PID1: variants seen among roughly 807,000 people sequenced by gnomAD.
The protein encoded by PID1 is phosphotyrosine interaction domain containing 1, also known as PTB-containing, cubilin and LRP1-interacting protein.
PID1 carries 10 observed loss-of-function variants against 19.1 expected under a neutral mutation model. That is an observed-to-expected ratio of 0.52 (90% CI 0.32 to 0.89). PID1 has a LOEUF of 0.89. PID1 is among the 40% of genes least tolerant of loss of function. The pLI is 0.03. For synonymous variants in PID1, 130 were observed against 116.0 expected, an observed-to-expected ratio of 1.12 and a Z score of -0.78; for missense variants, 248 against 285.3, an observed-to-expected ratio of 0.87 and a Z score of 0.94.
At chr2:229,088,760 C>T (rs1694816218) in intron 2 of PID1, among the ~76,000 whole-genome samples, 1 of 152,042 alleles carries the variant, frequency 6.6e-6, no homozygotes, top group African/African-American at 2.4e-5. Context: ...GGCAAAAATA[C>T]ACTGGAAGCC....
chr2:229,054,305 A>G (rs904380002), intron 2 of PID1, among the ~76,000 whole-genome samples: 1 of 152,304 alleles, frequency 6.6e-6, no homozygotes, highest in African/African-American at 2.4e-5. Flanking sequence ...GAATTGTGCA[A>G]ATGTAGAGTG....
chr2:229,039,289 T>C (rs1475255982), intron 2 of PID1, among the ~76,000 whole-genome samples: 1 of 152,188 alleles, frequency 6.6e-6, no homozygotes, highest in Non-Finnish European at 1.5e-5. Context: ...GACTGAACCA[T>C]AAACTTATAT....
intron 2 of PID1, among the ~76,000 whole-genome samples, chr2:229,111,538 A>C (rs2106148779): frequency 6.6e-6 from 1 of 152,316 alleles, no homozygotes; most frequent in East Asian, 1.9e-4. Context: ...TGATGGGGGA[A>C]AGATATGGGA....
intron 2 of PID1, among the ~76,000 whole-genome samples, chr2:229,101,469 C>CTA (rs1695072465): frequency 1.3e-5 from 2 of 152,196 alleles, no homozygotes; most frequent in Non-Finnish European, 2.9e-5. Context: ...AGCACACTGC[C>CTA]ATGCCTTGAG....
At chr2:229,033,276 GT>G (rs1235179939) in intron 2 of PID1, among the ~76,000 whole-genome samples, 2 of 152,184 alleles carry the variant, frequency 1.3e-5, no homozygotes, top group Non-Finnish European at 2.9e-5. Flanking sequence ...CTTTCCTGGA[GT>G]TCTTCGACTT....
chr2:229,260,658 T>C (rs1191743956), intron 1 of PID1, among the ~76,000 whole-genome samples: 1 of 151,834 alleles, frequency 6.6e-6, no homozygotes. Flanking sequence ...CCTTCATGGG[T>C]AGAATTGGGA....
intron 2 of PID1, among the ~76,000 whole-genome samples, chr2:229,138,389 A>C (rs546944026): frequency 9.2e-4 from 140 of 152,090 alleles, no homozygotes; most frequent in Non-Finnish European, 1.8e-3. Context: ...CCTGCTCTTC[A>C]ATATAGGTAC....
At chr2:229,263,766 T>A (rs1208329979) in intron 1 of PID1, among the ~76,000 whole-genome samples, 1 of 152,200 alleles carries the variant, frequency 6.6e-6, no homozygotes, top group Non-Finnish European at 1.5e-5. Context: ...AAACAAAATG[T>A]CTGCTCCATG....
At chr2:229,142,166 G>A (rs1690029559) in intron 2 of PID1, among the ~76,000 whole-genome samples, 1 of 152,094 alleles carries the variant, frequency 6.6e-6, no homozygotes, top group South Asian at 2.1e-4. Flanking sequence ...GTATTTGAAT[G>A]GCAGTATTTT....
chr2:229,179,217 C>G (rs139154941), intron 1 of PID1, among the ~76,000 whole-genome samples: 1 of 152,160 alleles, frequency 6.6e-6, no homozygotes, highest in East Asian at 1.9e-4. Context: ...CCTGGGTTTC[C>G]CACAAGCAGA....
chr2:229,060,242 T>C (rs13401222), intron 2 of PID1, among the ~76,000 whole-genome samples: 9,175 of 152,154 alleles, frequency 0.06, 956 homozygotes, highest in African/African-American at 0.21. Context: ...CTAACTAAAA[T>C]GTGGTACCCT....
At chr2:229,177,643 C>T (rs545022413) in intron 1 of PID1, among the ~76,000 whole-genome samples, 92 of 152,042 alleles carry the variant, frequency 6.1e-4, no homozygotes, top group South Asian at 1.7e-3. Flanking sequence ...TTGTTTTAGA[C>T]TTCTGATAAG....
At chr2:229,114,219 A>C (rs1228932588) in intron 2 of PID1, among the ~76,000 whole-genome samples, 1 of 150,952 alleles carries the variant, frequency 6.6e-6, no homozygotes, top group Non-Finnish European at 1.5e-5. Flanking sequence ...ACATGCATAC[A>C]TCCAGTCGGT....
At chr2:229,232,643 C>A (rs1692235025) in intron 1 of PID1, among the ~76,000 whole-genome samples, 1 of 114,532 alleles carries the variant, frequency 8.7e-6, no homozygotes. Context: ...AAAATCACAT[C>A]AATTTGTGTG....
At chr2:229,200,666 C>A (rs1214858701) in intron 1 of PID1, among the ~76,000 whole-genome samples, 3 of 152,014 alleles carry the variant, frequency 2.0e-5, no homozygotes, top group Non-Finnish European at 4.4e-5. Flanking sequence ...GGCTTTCAAC[C>A]ATGTTGCTCT....
rs1574592269 is a variant in PID1 at position 229,057,055 on chromosome 2, T to A, written c.178-30947A>T. Among the ~76,000 whole-genome samples, 3 of 152,040 alleles carry A rather than the reference T, an allele frequency of 2.0e-5. No individual in the cohort carries two copies. The South Asian group carries it at 6.2e-4, about 32-fold the overall frequency. ...GAAATTTTTATTTTATTATTTTTGC[T>A]GACCTCAAGACGTGTTGAATATCAC... On this transcript the variant is annotated intron_variant, in intron 2 of 2. Transcript: ENST00000392055.
At chr2:229,030,659 TA>T (rs1465169373) in intron 2 of PID1, among the ~76,000 whole-genome samples, 6 of 152,168 alleles carry the variant, frequency 3.9e-5, no homozygotes, top group African/African-American at 1.4e-4. Context: ...AAAATACTTC[TA>T]AAAAACTTTA....
chr2:229,217,569 C>T (rs918755762), intron 1 of PID1, among the ~76,000 whole-genome samples: 3 of 152,112 alleles, frequency 2.0e-5, no homozygotes, highest in South Asian at 2.1e-4. Flanking sequence ...CCAGCTCAAA[C>T]GCAGGGCTGG....
chr2:229,075,890 A>T (rs953585564), intron 2 of PID1, among the ~76,000 whole-genome samples: 4 of 152,178 alleles, frequency 2.6e-5, no homozygotes, highest in Non-Finnish European at 5.9e-5. Context: ...TTTTTAAATC[A>T]GAATCTCTTC....
Sources: allele counts gnomAD v4.1 joint callset (sites outside exome capture counted in the v4.1 genomes callset), GRCh38; gene constraint gnomAD v4.1.1; transcripts MANE v1.5; gene names NCBI Gene and HGNC (gene_info 2026-07-23, HGNC 2026-07-21).